The following DLGAP2 variants were observed in gnomAD, a reference collection of about 807,000 sequenced individuals.
DLGAP2 encodes DLG associated protein 2, also known as disks large-associated protein 2.
DLGAP2 carries 26 observed loss-of-function variants against 100.3 expected under a neutral mutation model. That is an observed-to-expected ratio of 0.26 (90% confidence interval 0.19 to 0.36). The LOEUF (loss-of-function observed/expected upper bound fraction) is 0.36. DLGAP2 is among the 10% of genes least tolerant of loss of function. The probability of loss-of-function intolerance (pLI) is 1.00; values close to 1 mark genes in which losing one functional copy is unlikely to be tolerated. For synonymous variants in DLGAP2, 886 were observed against 630.1 expected (o/e 1.41, Z -6.08); for missense variants, 1,858 against 1,453.2 (o/e 1.28, Z -4.53).
chr8:1,636,579 A>G (rs1683205708), intron 8 of DLGAP2, among the ~76,000 whole-genome samples: 1 of 152,216 alleles, frequency 6.6e-6, no homozygotes. Context: ...AATAAATATG[A>G]CTATGTATTT....
intron 2 of DLGAP2, among the ~76,000 whole-genome samples, chr8:1,191,033 C>A (rs1252178744): frequency 1.3e-5 from 2 of 152,140 alleles, no homozygotes; most frequent in African/African-American, 4.8e-5. Flanking sequence ...TCCAGCAGGT[C>A]CAGGATGACC....
intron 3 of DLGAP2, among the ~76,000 whole-genome samples, chr8:1,313,051 G>A (rs1323925805): frequency 1.3e-5 from 2 of 152,306 alleles, no homozygotes; most frequent in East Asian, 1.9e-4. Context: ...TGTGCCTGCC[G>A]GCCACTGTCT....
chr8:925,556 G>A (rs1230994928), intron 2 of DLGAP2, among the ~76,000 whole-genome samples: 1 of 152,164 alleles, frequency 6.6e-6, no homozygotes, highest in Non-Finnish European at 1.5e-5. Context: ...CAGCTTGGAT[G>A]TCCACATTGT....
chr8:1,011,011 A>G (rs527605221), intron 2 of DLGAP2, among the ~76,000 whole-genome samples: 14 of 151,234 alleles, frequency 9.3e-5, no homozygotes, highest in African/African-American at 3.2e-4. Flanking sequence ...CAGTCTACAT[A>G]GTGAGCCCTG....
intron 4 of DLGAP2, among the ~76,000 whole-genome samples, chr8:1,527,910 T>C (rs1036519549): frequency 6.6e-6 from 1 of 152,122 alleles, no homozygotes; most frequent in African/African-American, 2.4e-5. Context: ...AACTATGCTT[T>C]TAAGTATCTG....
At chr8:825,127 C>T (rs180829047) in intron 1 of DLGAP2, among the ~76,000 whole-genome samples, 2 of 152,296 alleles carry the variant, frequency 1.3e-5, no homozygotes, top group East Asian at 3.9e-4. Flanking sequence ...AGGGCTCTTC[C>T]TCTGCCCTCA....
chr8:1,072,865 G>A (rs1403371802), intron 2 of DLGAP2, among the ~76,000 whole-genome samples: 1 of 152,242 alleles, frequency 6.6e-6, no homozygotes, highest in African/African-American at 2.4e-5. Flanking sequence ...GGGAGGCTGA[G>A]TGTGCCCGGG....
intron 12 of DLGAP2, among the ~76,000 whole-genome samples, chr8:1,682,078 G>A (rs140070581): frequency 1.3e-5 from 2 of 152,174 alleles, no homozygotes; most frequent in Non-Finnish European, 2.9e-5. Flanking sequence ...CTGCTTCCAT[G>A]CTGGATGTGC....
chr8:836,662 C>T (rs1185777898), intron 1 of DLGAP2, among the ~76,000 whole-genome samples: 1 of 152,200 alleles, frequency 6.6e-6, no homozygotes, highest in African/African-American at 2.4e-5. Flanking sequence ...TTTCCCCGGC[C>T]TACAGGCGCT....
intron 3 of DLGAP2, among the ~76,000 whole-genome samples, chr8:1,406,994 A>G (rs1796580160): frequency 2.8e-5 from 1 of 35,448 alleles, no homozygotes; most frequent in Admixed American, 3.3e-4. Flanking sequence ...GAGCTTACTG[A>G]GCACTCCCTC....
chr8:1,263,120 C>G (rs1799384185), intron 3 of DLGAP2, among the ~76,000 whole-genome samples: 1 of 152,114 alleles, frequency 6.6e-6, no homozygotes, highest in African/African-American at 2.4e-5. Context: ...TTAGAAAATG[C>G]TACAAAAATG....
At chr8:813,698 C>G (rs1796412846) in intron 1 of DLGAP2, among the ~76,000 whole-genome samples, 1 of 152,142 alleles carries the variant, frequency 6.6e-6, no homozygotes, top group Admixed American at 6.5e-5. Flanking sequence ...GTCTCTAGCA[C>G]AAAAGTGGGG....
chr8:1,137,183 C>T (rs1427432875), intron 2 of DLGAP2: 3 of 152,346 alleles, frequency 2.0e-5, no homozygotes, highest in Non-Finnish European at 4.4e-5. Context: ...GGGGCCTCCC[C>T]TCTGTGCATG....
At chr8:790,176 G>T (rs1821990098) in intron 1 of DLGAP2, among the ~76,000 whole-genome samples, 1 of 152,176 alleles carries the variant, frequency 6.6e-6, no homozygotes, top group Non-Finnish European at 1.5e-5. Flanking sequence ...GGGATTTGGA[G>T]AATGAGGAGG....
chr8:1,527,464 A>C (rs1800832392), intron 4 of DLGAP2, among the ~76,000 whole-genome samples: 1 of 152,240 alleles, frequency 6.6e-6, no homozygotes, highest in African/African-American at 2.4e-5. Context: ...TCAAACATGA[A>C]ATTAGTGTCT....
intron 3 of DLGAP2, among the ~76,000 whole-genome samples, chr8:1,378,861 A>C (rs1796026820): frequency 1.3e-5 from 2 of 152,276 alleles, no homozygotes; most frequent in East Asian, 1.9e-4. Flanking sequence ...CGTCCCCTTC[A>C]GGGCAGTGTG....
chr8:1,073,539 C>T (rs184990644), intron 2 of DLGAP2, among the ~76,000 whole-genome samples: 7 of 152,248 alleles, frequency 4.6e-5, no homozygotes, highest in Admixed American at 2.6e-4. Context: ...AAATAGCATG[C>T]GTTCTCTTAC....
At chr8:941,667 G>A (rs1368115866) in intron 2 of DLGAP2, among the ~76,000 whole-genome samples, 2 of 152,154 alleles carry the variant, frequency 1.3e-5, no homozygotes, top group Non-Finnish European at 2.9e-5. Flanking sequence ...GAAAAGCCAT[G>A]GTGTCCTAAG....
At chr8:1,570,282 A>C (rs1258678051) in intron 6 of DLGAP2, among the ~76,000 whole-genome samples, 1 of 152,244 alleles carries the variant, frequency 6.6e-6, no homozygotes, top group African/African-American at 2.4e-5. Context: ...GGTTTCACCC[A>C]CGTGAACGCC....
Sources: allele counts gnomAD v4.1 joint callset (sites outside exome capture counted in the v4.1 genomes callset), GRCh38; gene constraint gnomAD v4.1.1; transcripts MANE v1.5; gene names NCBI Gene and HGNC (gene_info 2026-07-23, HGNC 2026-07-21).